Variants in VAT1L observed in about 807,000 individuals in gnomAD.
VAT1L encodes vesicle amine transport 1 like.
In VAT1L, 34 loss-of-function variants were observed where a neutral mutation model predicts 44.1. That is an observed-to-expected ratio of 0.77 (90% confidence interval 0.59 to 1.03). VAT1L has a LOEUF of 1.03. Among genes scored for constraint, VAT1L ranks in the 50% least tolerant of loss-of-function variants. VAT1L has a pLI of 0.00. For missense variants in VAT1L, 615 were observed against 538.8 expected (o/e 1.14, Z -1.40); for synonymous variants, 253 against 202.2 (o/e 1.25, Z -2.13).
chr16:77,789,179 G>T lies in VAT1L; in HGVS notation c.233+264G>T, dbSNP rs72790959. On this transcript the variant is annotated intron_variant, in intron 1 of 8. Coordinates refer to ENST00000302536, the MANE Select transcript of VAT1L (RefSeq NM_020927.3). ...GAATGCTGGCGCCCAGGCACCCCGG[G>T]TCTGGAAGATTGCGCTACGGGAGTT... 2.8e-3 allele frequency among the ~76,000 whole-genome samples: 428 copies of T among 152,302 alleles called. 2 individuals are homozygous for T. The highest frequency in any genetic ancestry group is 4.1e-3 in the Non-Finnish European group (279 of 68,030).
chr16:77,829,836 TATCTG>T (rs1416571000), intron 3 of VAT1L, among the ~76,000 whole-genome samples: 1 of 152,200 alleles, frequency 6.6e-6, no homozygotes, highest in Non-Finnish European at 1.5e-5. Flanking sequence ...TTGTGTCTGA[TATCTG>T]ATGCTTTGCA....
intron 7 of VAT1L, among the ~76,000 whole-genome samples, chr16:77,921,897 C>A (rs992915876): frequency 3.9e-5 from 6 of 152,208 alleles, no homozygotes; most frequent in African/African-American, 1.4e-4. Context: ...GTGCATACCA[C>A]TACACCTGGG....
intron 4 of VAT1L, 75 bp from the exon 5 acceptor site, chr16:77,876,295 C>A: frequency 2.3e-6 from 3 of 1,310,904 alleles, no homozygotes; most frequent in Non-Finnish European, 2.2e-6. Flanking sequence ...GACAATATGA[C>A]ACAGGAAAGG....
chr16:77,969,855 T>A (rs77408669), intron 7 of VAT1L, among the ~76,000 whole-genome samples: 1 of 151,624 alleles, frequency 6.6e-6, no homozygotes, highest in Non-Finnish European at 1.5e-5. Context: ...ACTACAAAAA[T>A]AAAAGGAATC....
intron 1 of VAT1L, among the ~76,000 whole-genome samples, chr16:77,809,115 T>G (rs2016218915): frequency 6.6e-6 from 1 of 152,206 alleles, no homozygotes; most frequent in Non-Finnish European, 1.5e-5. Flanking sequence ...TTACATCACT[T>G]GCTTTCGCAA....
intron 7 of VAT1L, among the ~76,000 whole-genome samples, chr16:77,929,282 T>C (rs982395355): frequency 6.6e-6 from 1 of 152,150 alleles, no homozygotes; most frequent in African/African-American, 2.4e-5. Flanking sequence ...AGCGGGATAC[T>C]CTCTTCCAGG....
At chr16:77,810,522 G>A (rs563308735) in intron 1 of VAT1L, among the ~76,000 whole-genome samples, 129 of 152,246 alleles carry the variant, frequency 8.5e-4, no homozygotes, top group African/African-American at 2.9e-3. Flanking sequence ...TATAGAGGCC[G>A]GGCACGGTGG....
chr16:77,881,632 T>C (rs2017156599), intron 6 of VAT1L, among the ~76,000 whole-genome samples: 1 of 152,222 alleles, frequency 6.6e-6, no homozygotes, highest in African/African-American at 2.4e-5. Context: ...CTGGAATGGA[T>C]AATACTCCCT....
At chr16:77,820,337 T>A (rs2016430456) in intron 2 of VAT1L, among the ~76,000 whole-genome samples, 1 of 152,190 alleles carries the variant, frequency 6.6e-6, no homozygotes, top group Non-Finnish European at 1.5e-5. Flanking sequence ...TGGCTGAGGC[T>A]ACTTCCAGCT....
chr16:77,919,757 A>G (rs182204028), intron 7 of VAT1L, among the ~76,000 whole-genome samples: 21 of 152,340 alleles, frequency 1.4e-4, no homozygotes, highest in Non-Finnish European at 2.2e-4. Context: ...GATACCTATT[A>G]CTATTAATAA....
At chr16:77,948,542 T>C (rs1016194524) in intron 7 of VAT1L, among the ~76,000 whole-genome samples, 1 of 152,096 alleles carries the variant, frequency 6.6e-6, no homozygotes, top group African/African-American at 2.4e-5. Context: ...TTTGGAAAAT[T>C]TCAAACATAT....
chr16:77,949,493 C>A (rs1008500309), intron 7 of VAT1L, among the ~76,000 whole-genome samples: 1 of 152,166 alleles, frequency 6.6e-6, no homozygotes, highest in Non-Finnish European at 1.5e-5. Flanking sequence ...GAGGTGGGGA[C>A]TAATGAGAGG....
At chr16:77,839,993 C>T (rs1414914365) in intron 3 of VAT1L, among the ~76,000 whole-genome samples, 4 of 147,592 alleles carry the variant, frequency 2.7e-5, no homozygotes, top group African/African-American at 1.0e-4. Context: ...AGCTTCCGCA[C>T]CTTGCTGGGT....
chr16:77,816,794 A>C, intron 1 of VAT1L, 127 bp from the exon 2 acceptor site: 1 of 1,257,406 alleles, frequency 8.0e-7, no homozygotes, highest in South Asian at 1.7e-5. Flanking sequence ...AGAAAAAAAA[A>C]AGACAGGAAG....
chr16:77,845,498 T>C (rs1465850778), intron 3 of VAT1L, among the ~76,000 whole-genome samples: 1 of 152,188 alleles, frequency 6.6e-6, no homozygotes, highest in Non-Finnish European at 1.5e-5. Context: ...AACTCGTTCA[T>C]CTGACTTCCT....
intron 7 of VAT1L, among the ~76,000 whole-genome samples, chr16:77,949,848 C>A (rs541010737): frequency 6.6e-6 from 1 of 152,194 alleles, no homozygotes; most frequent in Non-Finnish European, 1.5e-5. Context: ...GTGAGGCTGC[C>A]GATTATGACA....
chr16:77,811,126 G>C (rs999040941), intron 1 of VAT1L, among the ~76,000 whole-genome samples: 2 of 152,122 alleles, frequency 1.3e-5, no homozygotes, highest in Admixed American at 1.3e-4. Context: ...GACACTGTTT[G>C]GATTTTCATG....
At chr16:77,820,577 T>G (rs1347665761) in intron 2 of VAT1L, among the ~76,000 whole-genome samples, 2 of 152,136 alleles carry the variant, frequency 1.3e-5, no homozygotes, top group African/African-American at 4.8e-5. Context: ...TAGTAACAGC[T>G]TGTCTTAGCA....
chr16:77,922,930 C>G (rs1370649077), intron 7 of VAT1L, among the ~76,000 whole-genome samples: 2 of 152,128 alleles, frequency 1.3e-5, no homozygotes, highest in African/African-American at 4.8e-5. Context: ...GATTCCGGGA[C>G]CTCAACCCAG....
Sources: allele counts gnomAD v4.1 joint callset (sites outside exome capture counted in the v4.1 genomes callset), GRCh38; gene constraint gnomAD v4.1.1; transcripts MANE v1.5; gene names NCBI Gene and HGNC (gene_info 2026-07-23, HGNC 2026-07-21).